ELFN2: variants seen among roughly 807,000 people sequenced by gnomAD.
ELFN2 encodes protein phosphatase 1 regulatory subunit 29.
Under a neutral mutation model 45.5 loss-of-function variants are expected in ELFN2, and 17 were observed. The ratio of observed to expected loss-of-function variants is 0.37; its 90% CI spans 0.26 to 0.56. ELFN2 has a LOEUF of 0.56. Ranked by LOEUF, ELFN2 falls within the 20% of genes least tolerant of loss-of-function variation. The pLI is 0.77. For synonymous variants in ELFN2, 550 were observed against 551.5 expected (o/e 1.00, Z 0.04); for missense variants, 922 against 1,183.2 (o/e 0.78, Z 3.24).
intron 2 of ELFN2, among the ~76,000 whole-genome samples, chr22:37,382,001 A>C (rs967168905): frequency 2.2e-5 from 3 of 138,596 alleles, no homozygotes; most frequent in African/African-American, 5.3e-5. Context: ...AGAATCTTCA[A>C]TATCAGAGGG....
chr22:37,358,854 G>A (rs958092347), intron 1 of ELFN2, among the ~76,000 whole-genome samples: 2 of 152,218 alleles, frequency 1.3e-5, no homozygotes, highest in Non-Finnish European at 2.9e-5. Context: ...AGATTGAGAT[G>A]AGTTGTCAAG....
At chr22:37,401,301 A>G (rs1375391021) in intron 2 of ELFN2, among the ~76,000 whole-genome samples, 1 of 152,202 alleles carries the variant, frequency 6.6e-6, no homozygotes, top group East Asian at 1.9e-4. Flanking sequence ...TATATATAAC[A>G]CTATCATTGT....
chr22:37,391,331 C>G (rs568732495), intron 2 of ELFN2, among the ~76,000 whole-genome samples: 1 of 152,282 alleles, frequency 6.6e-6, no homozygotes, highest in African/African-American at 2.4e-5. Flanking sequence ...ACCCTGTAAA[C>G]CCAGGGCCCG....
intron 1 of ELFN2, among the ~76,000 whole-genome samples, chr22:37,419,594 TGCCCC>T (rs1932793796): frequency 6.6e-6 from 1 of 151,914 alleles, no homozygotes; most frequent in Non-Finnish European, 1.5e-5. Flanking sequence ...CACCGTGGAC[TGCCCC>T]GCCCCACGCT....
chr22:37,342,420 G>A (rs529867077), intron 2 of ELFN2, among the ~76,000 whole-genome samples: 1 of 152,286 alleles, frequency 6.6e-6, no homozygotes, highest in East Asian at 1.9e-4. Context: ...AGGGGGAGAA[G>A]GAGGGCCATT....
At chr22:37,385,562 C>T (rs1931925403) in intron 2 of ELFN2, among the ~76,000 whole-genome samples, 1 of 152,230 alleles carries the variant, frequency 6.6e-6, no homozygotes, top group African/African-American at 2.4e-5. Context: ...GGGCAGCATC[C>T]AACCTCCTCC....
At position 37,415,982 on chromosome 22, in the gene ELFN2, G is replaced by T. The variant is rs575095728; in HGVS notation, c.-463+1787C>A. On this transcript the variant is annotated intron_variant, in intron 2 of 2. Transcript: ENST00000402918. ...CGTCTCAAAAAAAAATAATAATAAT[G>T]ATGATGGTGGTGGTGGTTCCCAGTC... is the stretch of plus-strand genomic sequence containing the variant. Among the ~76,000 whole-genome samples, 5 of 152,248 alleles carry T rather than the reference G, an allele frequency of 3.3e-5. No individual in the cohort carries two copies. The East Asian group carries it at 9.6e-4, about 29-fold the overall frequency.
chr22:37,410,896 A>G (rs1375769241), intron 2 of ELFN2, among the ~76,000 whole-genome samples: 1 of 152,062 alleles, frequency 6.6e-6, no homozygotes, highest in Non-Finnish European at 1.5e-5. Context: ...AGACACCCCC[A>G]CATTTCCTGA....
intron 2 of ELFN2, among the ~76,000 whole-genome samples, chr22:37,393,522 C>A (rs886124455): frequency 1.3e-5 from 2 of 152,242 alleles, no homozygotes; most frequent in African/African-American, 4.8e-5. Context: ...TGCCACACAA[C>A]AGTATCGATG....
chr22:37,405,090 A>ATTT (rs745621772), intron 2 of ELFN2, among the ~76,000 whole-genome samples: 28 of 124,038 alleles, frequency 2.3e-4, no homozygotes, highest in Admixed American at 1.4e-3. Context: ...GAACCTCAGC[A>ATTT]TTTTTTTTTT....
chr22:37,392,232 G>A (rs1932102470), intron 2 of ELFN2, among the ~76,000 whole-genome samples: 2 of 151,720 alleles, frequency 1.3e-5, no homozygotes, highest in South Asian at 4.2e-4. Flanking sequence ...GCCCACCCTT[G>A]TTAAGGGATT....
rs2145627864 is a variant in ELFN2, at chr22:37,368,380, AAGG to A, written c.*4689_*4691del. Reference sequence around the variant, plus strand: ...GTGTGGAGTGGCAGAGGGGCAGAGGAAGGAGGAGCAGGCCCAGACCATCCTGCC... The same window carrying A: ...GTGTGGAGTGGCAGAGGGGCAGAGGAAGGAGCAGGCCCAGACCATCCTGCC... On this transcript the variant is annotated 3_prime_UTR_variant, in exon 3 of 3. Coordinates refer to ENST00000402918, the MANE Select transcript of ELFN2 (RefSeq NM_052906.5). 6.6e-6 allele frequency: 1 copy of A among 152,502 alleles called. No individual in the cohort carries two copies. Among genetic ancestry groups the A allele is most frequent in the African/African-American group, 2.4e-5 (1 of 41,548 alleles). The allele number at this position is 152,502 out of a possible 1,614,324, so 9.4% of individuals were successfully genotyped here.
rs955079068 is a variant in ELFN2, at chr22:37,374,275, G to A, written c.1260C>T (p.Arg420=). 9 of 1,613,922 alleles carry A rather than the reference G, an allele frequency of 5.6e-6. No individual in the cohort carries two copies. The highest frequency in any genetic ancestry group is 3.3e-5 in the Admixed American group (2 of 60,014). Residue 420 remains arginine, a synonymous_variant, in exon 3 of 3, where the codon CGC becomes CGT. Coordinates refer to ENST00000402918, the MANE Select transcript of ELFN2 (RefSeq NM_052906.5). ...IVLGAVYYCL[R]KRRMQEEKQK... ...GCTTCTCCTCCTGCATGCGCCGCTT[G>A]CGCAGGCAGTAGTACACGGCTCCCA...
At chr22:37,389,064 C>T (rs1400747537) in intron 2 of ELFN2, among the ~76,000 whole-genome samples, 3 of 152,178 alleles carry the variant, frequency 2.0e-5, no homozygotes, top group Admixed American at 1.3e-4. Flanking sequence ...CAGAGCTTGG[C>T]GTCCTCCTCT....
At position 37,373,926 on chromosome 22, in the gene ELFN2, T is replaced by C. The variant is rs1430140363; in HGVS notation, c.1609A>G (p.Ile537Val). ...GQGSAAEIST[I>V]AKEVDKVNQI... ...TTGACCTTGTCCACCTCCTTGGCAA[T>C]GGTGGAGATCTCTGCAGCCGAGCCC... Residue 537 changes from isoleucine to valine, a missense_variant, in exon 3 of 3, where the codon ATT becomes GTT. Transcript: ENST00000402918. 6.2e-7 allele frequency: 1 copy of C among 1,613,266 alleles called. No homozygotes were observed. Among genetic ancestry groups the C allele is most frequent in the Non-Finnish European group, 8.5e-7 (1 of 1,179,966 alleles).
intron 2 of ELFN2, among the ~76,000 whole-genome samples, chr22:37,341,360 C>T (rs116772396): frequency 1.3e-5 from 2 of 152,194 alleles, no homozygotes; most frequent in African/African-American, 4.8e-5. Context: ...TATCTCAGGC[C>T]CTCCTGTGCA....
chr22:37,375,750 G>A lies in ELFN2; in HGVS notation c.-216C>T. 1.7e-6 allele frequency: 1 copy of A among 597,134 alleles called. No homozygotes were observed. Among genetic ancestry groups the A allele is most frequent in the Non-Finnish European group, 3.0e-6 (1 of 337,834 alleles). 37.0% of individuals were successfully genotyped at this position (597,134 alleles called of 1,614,324 possible). On this transcript the variant is annotated 5_prime_UTR_variant, in exon 3 of 3. Coordinates refer to ENST00000402918, the MANE Select transcript of ELFN2 (RefSeq NM_052906.5). ...TAGGCCTGGCTAGGGCTGGGGGTGG[G>A]GGCCCCACAGCCTGCTCCCCACCGC...
chr22:37,346,994 T>C (rs1399428879), intron 1 of ELFN2, among the ~76,000 whole-genome samples: 1 of 152,070 alleles, frequency 6.6e-6, no homozygotes, highest in Non-Finnish European at 1.5e-5. Context: ...ATTTTTTTTT[T>C]TGAGATGGAG....
chr22:37,374,103 C>G lies in ELFN2; in HGVS notation c.1432G>C (p.Gly478Arg). 1.2e-6 allele frequency: 2 copies of G among 1,613,106 alleles called. No homozygotes were observed. Among genetic ancestry groups the G allele is most frequent in the Non-Finnish European group, 8.5e-7 (1 of 1,180,028 alleles). Residue 478 changes from glycine (G) to arginine (R), a missense_variant, in exon 3 of 3, where the codon GGG becomes CGG. This residue lies in a region of ELFN2 where 564 missense variants were observed against 642.8 expected (regional missense o/e 0.88). Transcript: ENST00000402918. The stretch of plus-strand genomic sequence containing the variant: ...CCCTTGGCGGTGGGCAGCTTCTCCC[C>G]GATCATGGAGGGGATGGAGGCCATG... ...SRMASIPSMI[G>R]EKLPTAKGLE...
Sources: allele counts gnomAD v4.1 joint callset (sites outside exome capture counted in the v4.1 genomes callset), GRCh38; gene constraint gnomAD v4.1.1; regional missense constraint gnomAD v4.1.1; transcripts MANE v1.5; gene names NCBI Gene and HGNC (gene_info 2026-07-23, HGNC 2026-07-21).